Variants in NFATC1 observed in about 807,000 individuals in gnomAD.
NFATC1 encodes nuclear factor of activated T cells 1, also known as nuclear factor of activated T-cells, cytoplasmic 1.
Under a neutral mutation model 76.0 loss-of-function variants are expected in NFATC1, and 22 were observed. That is an observed-to-expected ratio of 0.29 (90% CI 0.21 to 0.41). The LOEUF is 0.41. Ranked by LOEUF, NFATC1 falls within the 10% of genes least tolerant of loss-of-function variation. The pLI is 1.00. For missense variants in NFATC1, 1,357 were observed against 1,337.7 expected (o/e 1.01, Z -0.23); for synonymous variants, 704 against 613.1 (o/e 1.15, Z -2.19).
At chr18:79,481,961 G>T (rs1420688337) in intron 8 of NFATC1, among the ~76,000 whole-genome samples, 6 of 142,016 alleles carry the variant, frequency 4.2e-5, no homozygotes, top group Non-Finnish European at 7.7e-5. Flanking sequence ...GCATGACCTG[G>T]TTCCTGGGGT....
chr18:79,407,321 T>C (rs1600603348), intron 1 of NFATC1, among the ~76,000 whole-genome samples: 1 of 152,214 alleles, frequency 6.6e-6, no homozygotes, highest in Non-Finnish European at 1.5e-5. Context: ...GGGCAGATCC[T>C]GGGGATGGTG....
chr18:79,487,005 G>C, intron 9 of NFATC1, 68 bp downstream of exon 9: 3 of 1,484,130 alleles, frequency 2.0e-6, no homozygotes, highest in African/African-American at 1.4e-5. Context: ...TGGAGGGGCC[G>C]TGTGCGTGCT....
At chr18:79,448,630 A>C (rs2087319146) in intron 3 of NFATC1, 152 bp from the exon 4 acceptor site, 1 of 731,812 alleles carries the variant, frequency 1.4e-6, no homozygotes, top group African/African-American at 1.8e-5. Flanking sequence ...TCTGATTTAC[A>C]AAGACACCAG....
At chr18:79,401,944 A>C (rs1487094434) in intron 1 of NFATC1, among the ~76,000 whole-genome samples, 1 of 152,150 alleles carries the variant, frequency 6.6e-6, no homozygotes, top group East Asian at 1.9e-4. Flanking sequence ...GCCCTGGCTG[A>C]AGATTTCACT....
At chr18:79,479,133 C>T (rs1269819221) in intron 8 of NFATC1, among the ~76,000 whole-genome samples, 1 of 152,262 alleles carries the variant, frequency 6.6e-6, no homozygotes, top group South Asian at 2.1e-4. Context: ...CTCTTTGTAA[C>T]GAGTTTCATA....
Position 79,482,314 on chromosome 18 carries a change from C to G in NFATC1, c.2093-3934C>G, listed in dbSNP as rs556482285. 1.4e-4 allele frequency among the ~76,000 whole-genome samples: 20 copies of G among 138,754 alleles called. No individual in the cohort carries two copies. The South Asian group carries it at 4.9e-3, about 34-fold the overall frequency. 91.0% of individuals were successfully genotyped at this position (138,754 alleles called of 152,430 possible). A position where few individuals can be genotyped will look rare whatever the true frequency, so the allele number is the denominator to read the frequency against. On this transcript the variant is annotated intron_variant, in intron 8 of 9. Coordinates refer to ENST00000427363, the MANE Select transcript of NFATC1 (RefSeq NM_001278669.2). ...TCCTGGGGTGTAATTCCAGCGTGAC[C>G]TGGTTCCTGGGGTGTCATTCCAGCG... is the stretch of plus-strand genomic sequence containing the variant.
chr18:79,511,371 T>G (rs1418848129), intron 9 of NFATC1, among the ~76,000 whole-genome samples: 4 of 152,250 alleles, frequency 2.6e-5, no homozygotes, highest in African/African-American at 9.6e-5. Flanking sequence ...TGGGTCATGG[T>G]GCGTTGTCTC....
At chr18:79,411,555 G>GCGGAA in intron 2 of NFATC1, 54 bp downstream of exon 2, 1 of 1,281,156 alleles carries the variant, frequency 7.8e-7, no homozygotes, top group South Asian at 2.6e-5. Flanking sequence ...GCGGGGCGGG[G>GCGGAA]CGGAACGCGG....
At chr18:79,450,808 T>G in intron 4 of NFATC1, 146 bp from the exon 5 acceptor site, 1 of 1,043,154 alleles carries the variant, frequency 9.6e-7, no homozygotes, top group Non-Finnish European at 1.4e-6. Flanking sequence ...TTCAAGGTCT[T>G]GTTTTCCTTG....
intron 2 of NFATC1, among the ~76,000 whole-genome samples, chr18:79,414,342 C>G (rs994339120): frequency 3.9e-5 from 6 of 152,224 alleles, no homozygotes; most frequent in Non-Finnish European, 8.8e-5. Flanking sequence ...CACCGTGGTA[C>G]AGAACTGCTG....
In NFATC1 at chr18:79,423,282, C is replaced by T. The variant is rs77097600; in HGVS notation, c.1227-10297C>T. The stretch of plus-strand genomic sequence containing the variant: ...CCGGCCTCACAGCCCAGATCCCGCG[C>T]GCTCCCGGTCTGTGGCTTTGACTTT... On this transcript the variant is annotated intron_variant, in intron 2 of 9. Coordinates refer to ENST00000427363, the MANE Select transcript of NFATC1 (RefSeq NM_001278669.2). 2.7e-4 allele frequency among the ~76,000 whole-genome samples: 41 copies of T among 152,344 alleles called. No individual in the cohort carries two copies. In the East Asian group the frequency reaches 6.0e-3, roughly 22 times the overall value.
At chr18:79,488,753 C>T (rs948362694) in intron 9 of NFATC1, among the ~76,000 whole-genome samples, 3 of 152,200 alleles carry the variant, frequency 2.0e-5, no homozygotes, top group Admixed American at 6.5e-5. Flanking sequence ...CACGCGGTAC[C>T]AGGTGGTCCC....
chr18:79,451,743 C>T lies in NFATC1; in HGVS notation c.1830C>T (p.Gly610=), dbSNP rs148121807. The change falls in exon 6 of 10, where the codon GGC becomes GGT. Residue 610 remains glycine, a synonymous_variant. Transcript: ENST00000427363. The part of the protein sequence containing the change: ...KQSTDSYPVV[G]GKKMVLSGHN... ...GCACGGACAGCTATCCGGTCGTGGG[C>T]GGGAAGAAGATGGTCCTGTCTGGCC... The T allele has an allele frequency of 7.6e-5, 123 of 1,612,794 alleles. No individual in the cohort carries two copies. Among genetic ancestry groups the T allele is most frequent in the Admixed American group, 7.3e-4 (44 of 59,910 alleles).
intron 6 of NFATC1, among the ~76,000 whole-genome samples, chr18:79,453,682 G>A (rs555673167): frequency 1.3e-5 from 2 of 152,358 alleles, no homozygotes; most frequent in East Asian, 3.9e-4. Context: ...CCGGCGTCTG[G>A]TATACAGCAG....
intron 9 of NFATC1, among the ~76,000 whole-genome samples, chr18:79,515,329 A>T (rs1600980757): frequency 7.5e-6 from 1 of 133,710 alleles, no homozygotes; most frequent in African/African-American, 3.1e-5. Context: ...ACAGAGCAAG[A>T]CTCCATCTCA....
intron 9 of NFATC1, among the ~76,000 whole-genome samples, chr18:79,520,394 C>T (rs979631305): frequency 9.7e-5 from 14 of 143,976 alleles, no homozygotes; most frequent in Non-Finnish European, 1.7e-4. Context: ...GTGGCAGCTC[C>T]GACATCCTGC....
intron 8 of NFATC1, among the ~76,000 whole-genome samples, chr18:79,478,606 T>C (rs1459314104): frequency 6.6e-6 from 1 of 152,188 alleles, no homozygotes; most frequent in Non-Finnish European, 1.5e-5. Context: ...AGGCCAGGAT[T>C]GTGCCGAATG....
intron 7 of NFATC1, among the ~76,000 whole-genome samples, chr18:79,464,710 A>ATATATATT (rs1568994866): frequency 1.1e-5 from 1 of 92,032 alleles, no homozygotes; most frequent in African/African-American, 4.5e-5. Flanking sequence ...TTATTTATTT[A>ATATATATT]TTTTTTTTTT....
At chr18:79,488,194 G>T (rs62096903) in intron 9 of NFATC1, among the ~76,000 whole-genome samples, 2,782 of 152,252 alleles carry the variant, frequency 0.018, 35 homozygotes, top group Non-Finnish European at 0.028. Flanking sequence ...TTTTAAGGAG[G>T]ATGCATGCAA....
Sources: gnomAD v4.1 joint callset for allele counts (sites outside exome capture counted in the v4.1 genomes callset) on GRCh38, gnomAD v4.1.1 for gene constraint, MANE v1.5 for transcripts, NCBI Gene and HGNC (gene_info 2026-07-23, HGNC 2026-07-21) for gene names.